SYN3: variants seen among roughly 807,000 people sequenced by gnomAD.
SYN3 encodes synapsin III, also known as synapsin-3.
A neutral mutation model predicts 65.8 loss-of-function variants in SYN3; 35 were observed. The ratio of observed to expected loss-of-function variants is 0.53; its 90% CI spans 0.41 to 0.70. The LOEUF is 0.70. SYN3 is among the 30% of genes least tolerant of loss of function. SYN3 has a pLI of 0.00. For synonymous variants in SYN3, 270 were observed against 292.9 expected (o/e 0.92, Z 0.80); for missense variants, 680 against 749.0 (o/e 0.91, Z 1.08).
rs537273048 is a variant in SYN3, at chr22:32,712,532, C to G, written c.712-115796G>C. ...TTTGCTGCAGCAAAAGTGGCTTGGCCTCTTGTCATAATCAGCCCGAGCGGG... is the reference window on the plus strand; with the variant it reads ...TTTGCTGCAGCAAAAGTGGCTTGGCGTCTTGTCATAATCAGCCCGAGCGGG... On this transcript the variant is annotated intron_variant, in intron 6 of 13. Transcript: ENST00000358763. Among the ~76,000 whole-genome samples the G allele has an allele frequency of 2.0e-5, 3 of 152,308 alleles. No individual in the cohort carries two copies. In the South Asian group the frequency reaches 6.2e-4, roughly 32 times the overall value.
At chr22:32,703,451 A>T (rs1044082922) in intron 6 of SYN3, among the ~76,000 whole-genome samples, 7 of 152,146 alleles carry the variant, frequency 4.6e-5, no homozygotes, top group African/African-American at 7.2e-5. Context: ...ATCCTGGCCA[A>T]CACGGTGAAA....
At chr22:32,796,383 G>A (rs1033687525) in intron 6 of SYN3, among the ~76,000 whole-genome samples, 5 of 152,216 alleles carry the variant, frequency 3.3e-5, no homozygotes, top group African/African-American at 1.2e-4. Flanking sequence ...ATGAAAACCT[G>A]AGGATTCATG....
chr22:32,851,429 G>C (rs758435197), intron 6 of SYN3, among the ~76,000 whole-genome samples: 5 of 152,010 alleles, frequency 3.3e-5, no homozygotes, highest in African/African-American at 1.2e-4. Context: ...GACCAGCCAC[G>C]GGTGGTTGTT....
chr22:32,756,195 T>C (rs143995032), intron 6 of SYN3, among the ~76,000 whole-genome samples: 2,851 of 151,986 alleles, frequency 0.019, 51 homozygotes, highest in Middle Eastern at 0.048. Context: ...ATTCTGCACA[T>C]GTATCCCAGA....
At chr22:32,744,678 T>A (rs994197537) in intron 6 of SYN3, among the ~76,000 whole-genome samples, 1 of 152,188 alleles carries the variant, frequency 6.6e-6, no homozygotes, top group Non-Finnish European at 1.5e-5. Flanking sequence ...CGCAGGACTC[T>A]GTCAACCCGG....
At chr22:32,680,841 A>G (rs1206478975) in intron 6 of SYN3, among the ~76,000 whole-genome samples, 1 of 152,206 alleles carries the variant, frequency 6.6e-6, no homozygotes, top group East Asian at 1.9e-4. Flanking sequence ...TTCCTTCCAT[A>G]TATCTAGGCT....
intron 6 of SYN3, among the ~76,000 whole-genome samples, chr22:32,623,170 T>C (rs1275296326): frequency 6.6e-6 from 1 of 152,062 alleles, no homozygotes; most frequent in Non-Finnish European, 1.5e-5. Context: ...AGGATAGTTT[T>C]TGCTTTTTTT....
At chr22:32,562,584 C>G (rs2058602306) in intron 7 of SYN3, among the ~76,000 whole-genome samples, 1 of 152,206 alleles carries the variant, frequency 6.6e-6, no homozygotes, top group East Asian at 1.9e-4. Context: ...CGACAGTGGA[C>G]TTGACCGGCT....
At chr22:32,918,629 C>T (rs779254657) in intron 4 of SYN3, among the ~76,000 whole-genome samples, 16 of 152,148 alleles carry the variant, frequency 1.1e-4, no homozygotes, top group Non-Finnish European at 1.9e-4. Flanking sequence ...CTAGAGAGTG[C>T]GGACAGCACG....
At chr22:32,912,203 G>A (rs538374433) in intron 4 of SYN3, among the ~76,000 whole-genome samples, 2 of 152,308 alleles carry the variant, frequency 1.3e-5, no homozygotes, top group East Asian at 1.9e-4. Context: ...CTTTGGGCAC[G>A]ATGGAGGTCA....
chr22:32,589,376 C>G (rs761322620), intron 7 of SYN3, among the ~76,000 whole-genome samples: 4 of 152,174 alleles, frequency 2.6e-5, no homozygotes, highest in Non-Finnish European at 5.9e-5. Context: ...CTTAATTGGG[C>G]TGGTCAGGCG....
chr22:32,796,249 G>A (rs1232219948), intron 6 of SYN3, among the ~76,000 whole-genome samples: 1 of 152,042 alleles, frequency 6.6e-6, no homozygotes, highest in Non-Finnish European at 1.5e-5. Flanking sequence ...AACAAGAGCT[G>A]GAATATTTGA....
chr22:32,606,578 C>T (rs1171116782), intron 6 of SYN3, among the ~76,000 whole-genome samples: 3 of 152,134 alleles, frequency 2.0e-5, no homozygotes, highest in African/African-American at 7.2e-5. Context: ...AACTTCACGG[C>T]TTACGGGGCT....
intron 6 of SYN3, among the ~76,000 whole-genome samples, chr22:32,816,146 G>T (rs963327763): frequency 6.6e-6 from 1 of 152,086 alleles, no homozygotes; most frequent in Admixed American, 6.6e-5. Context: ...TGTCCATTCC[G>T]CCTTCCCAGT....
chr22:32,999,556 G>T (rs1303356761), intron 2 of SYN3, among the ~76,000 whole-genome samples: 1 of 152,132 alleles, frequency 6.6e-6, no homozygotes, highest in East Asian at 1.9e-4. Flanking sequence ...GGTGGCCTGT[G>T]CCTGCAATCC....
intron 7 of SYN3, among the ~76,000 whole-genome samples, chr22:32,573,650 C>A (rs961437972): frequency 1.3e-5 from 2 of 151,288 alleles, no homozygotes; most frequent in African/African-American, 2.4e-5. Flanking sequence ...TTTGAGTGGC[C>A]CAGTTCACTC....
chr22:32,767,235 T>C (rs1366043420), intron 6 of SYN3, among the ~76,000 whole-genome samples: 5 of 152,212 alleles, frequency 3.3e-5, no homozygotes, highest in Admixed American at 6.5e-5. Context: ...TCAAGTGTTC[T>C]TCTGACCCTC....
chr22:32,628,019 G>T (rs2059694032), intron 6 of SYN3, among the ~76,000 whole-genome samples: 1 of 151,984 alleles, frequency 6.6e-6, no homozygotes, highest in African/African-American at 2.4e-5. Context: ...TAGTAGAGAC[G>T]GGGTTTCACC....
chr22:32,572,600 T>C (rs1187367482), intron 7 of SYN3, among the ~76,000 whole-genome samples: 2 of 150,302 alleles, frequency 1.3e-5, no homozygotes, highest in Non-Finnish European at 3.0e-5. Flanking sequence ...TTTTTCCTTC[T>C]GACACAGCAT....
Sources: allele counts gnomAD v4.1 joint callset (sites outside exome capture counted in the v4.1 genomes callset), GRCh38; gene constraint gnomAD v4.1.1; transcripts MANE v1.5; gene names NCBI Gene and HGNC (gene_info 2026-07-23, HGNC 2026-07-21).